HRK: variants seen among roughly 807,000 people sequenced by gnomAD.
HRK encodes the protein activator of apoptosis harakiri.
In HRK, 6 loss-of-function variants were observed where a neutral mutation model predicts 5.9. The observed-to-expected ratio is 1.02, with a 90% CI of 0.56 to 2.01. HRK has a LOEUF of 2.01. Among genes scored for constraint, HRK ranks in the 30% most tolerant of loss-of-function variants. The probability of loss-of-function intolerance (pLI) is 0.00; values close to 1 mark genes in which losing one functional copy is unlikely to be tolerated. For synonymous variants in HRK, 85 were observed against 65.1 expected (o/e 1.31, Z -1.47); for missense variants, 133 against 128.3 (o/e 1.04, Z -0.18).
rs1878339940 is a variant in HRK at position 116,860,916 on chromosome 12, G to C, written c.*607C>G. 6.6e-6 allele frequency: 1 copy of C among 152,150 alleles called. No individual in the cohort carries two copies. Among genetic ancestry groups the C allele is most frequent in the African/African-American group, 2.4e-5 (1 of 41,428 alleles). The allele number at this position is 152,150 out of a possible 1,614,324, so 9.4% of individuals were successfully genotyped here. A position where few individuals can be genotyped will look rare whatever the true frequency, so the allele number is the denominator to read the frequency against. ...CTAGCGATCGACCTAGGTAAGTACA[G>C]AGGGAGAGGCTAGGACGAGTCAAGA... On this transcript the variant is annotated 3_prime_UTR_variant, in exon 2 of 2. Transcript: ENST00000257572.
At chr12:116,870,459 A>G (rs1156264339) in intron 1 of HRK, among the ~76,000 whole-genome samples, 2 of 152,144 alleles carry the variant, frequency 1.3e-5, no homozygotes, top group African/African-American at 4.8e-5. Context: ...AAGGCAACAG[A>G]GATTCAGCTG....
intron 1 of HRK, among the ~76,000 whole-genome samples, chr12:116,865,589 T>C (rs1428361757): frequency 6.6e-6 from 1 of 151,882 alleles, no homozygotes; most frequent in Non-Finnish European, 1.5e-5. Context: ...TTTGCACAAG[T>C]GATAAGTTAC....
Position 116,881,055 on chromosome 12 carries a change from GC to G in HRK, c.252del (p.Trp84CysfsTer30). ...AAAQVAALAAWLLGRRNL is the reference protein window; with the variant it reads ...AAAQVAALAAXLLGRRNL The stretch of plus-strand genomic sequence containing the variant: ...TCCTACAAGTTCCGCCTGCCGAGCA[GC>G]CAGGCCGCCAGCGCCGCCACCTGCG... On this transcript the variant is annotated frameshift_variant, in exon 1 of 2. Transcript: ENST00000257572. LOFTEE classifies it high-confidence loss of function. The G allele has an allele frequency of 3.7e-6, 5 of 1,357,198 alleles. No individual in the cohort carries two copies. The highest frequency in any genetic ancestry group is 1.9e-6 in the Non-Finnish European group (2 of 1,054,998). The allele number at this position is 1,357,198 out of a possible 1,614,324, so 84.1% of individuals were successfully genotyped here.
chr12:116,868,378 C>A (rs1035648941), intron 1 of HRK, among the ~76,000 whole-genome samples: 1 of 152,238 alleles, frequency 6.6e-6, no homozygotes, highest in African/African-American at 2.4e-5. Context: ...GACACTCCTA[C>A]TATCCCCTGG....
intron 1 of HRK, among the ~76,000 whole-genome samples, chr12:116,869,302 A>G (rs773452100): frequency 1.3e-5 from 2 of 152,120 alleles, no homozygotes; most frequent in Non-Finnish European, 2.9e-5. Context: ...ATTTTACACC[A>G]AATAAGAACA....
At chr12:116,863,779 C>T (rs114043798) in intron 1 of HRK, among the ~76,000 whole-genome samples, 3,504 of 151,968 alleles carry the variant, frequency 0.023, 102 homozygotes, top group East Asian at 0.095. Context: ...GCTCACTGCA[C>T]CCTCGACCTC....
chr12:116,874,334 G>T (rs1239505824), intron 1 of HRK, among the ~76,000 whole-genome samples: 1 of 152,094 alleles, frequency 6.6e-6, no homozygotes, highest in Non-Finnish European at 1.5e-5. Flanking sequence ...CACCTTTCTC[G>T]CATGTCTTCA....
Position 116,859,864 on chromosome 12 carries a change from A to G in HRK, c.*1659T>C, listed in dbSNP as rs1878296074. 1 of 152,232 alleles carries G rather than the reference A, an allele frequency of 6.6e-6. No homozygotes were observed. The allele number at this position is 152,232 out of a possible 1,614,324, so 9.4% of individuals were successfully genotyped here. A position where few individuals can be genotyped will look rare whatever the true frequency, so the allele number is the denominator to read the frequency against. ...CATTTACAGCAAAGCCTATGGAGGG[A>G]TAATTCCCATTTCAGCCGCATCCAC... On this transcript the variant is annotated 3_prime_UTR_variant, in exon 2 of 2. Transcript: ENST00000257572.
At chr12:116,876,076 C>T (rs1270961064) in intron 1 of HRK, among the ~76,000 whole-genome samples, 2 of 152,152 alleles carry the variant, frequency 1.3e-5, no homozygotes, top group African/African-American at 4.8e-5. Context: ...TTATGATTGC[C>T]AAATCCAGCC....
intron 1 of HRK, among the ~76,000 whole-genome samples, chr12:116,876,511 C>G (rs1301165541): frequency 6.6e-6 from 1 of 152,164 alleles, no homozygotes; most frequent in East Asian, 1.9e-4. Context: ...GACCACGTCG[C>G]CTTATGGGCC....
chr12:116,862,003 A>G lies in HRK; in HGVS notation c.*57-537T>C, dbSNP rs1160330209. On this transcript the variant is annotated intron_variant, in intron 1 of 1. Coordinates refer to ENST00000257572, the MANE Select transcript of HRK (RefSeq NM_003806.4). This position sits in a 1 kb window ranked among gnomAD's most constrained non-coding sequence, Gnocchi z 4.0. ...ATTCTTGCCCCTTGAGGGGCTCAGA[A>G]CCAACAGGGAGATGGGAAGAAGTGG... Among the ~76,000 whole-genome samples, 1 of 152,154 alleles carries G rather than the reference A, an allele frequency of 6.6e-6. No homozygotes were observed. The highest frequency in any genetic ancestry group is 1.5e-5 in the Non-Finnish European group (1 of 68,020).
At chr12:116,864,422 G>A (rs1878466970) in intron 1 of HRK, among the ~76,000 whole-genome samples, 1 of 152,164 alleles carries the variant, frequency 6.6e-6, no homozygotes, top group Non-Finnish European at 1.5e-5. Context: ...GACCAGTACT[G>A]TAAATGACCA....
In HRK at chr12:116,865,656, C is replaced by T. The variant is rs141930964; in HGVS notation, c.*57-4190G>A. 5.5e-3 allele frequency among the ~76,000 whole-genome samples: 833 copies of T among 152,248 alleles called. 31 individuals are homozygous for T. Among genetic ancestry groups the T allele is most frequent in the Admixed American group, 0.049 (750 of 15,290 alleles). On this transcript the variant is annotated intron_variant, in intron 1 of 1. Coordinates refer to ENST00000257572, the MANE Select transcript of HRK (RefSeq NM_003806.4). ...AAAAGGAAAGCCCCTTCAACCCAAC[C>T]CTTAAGCCCCACTCCCTTTCCCAGA...
intron 1 of HRK, among the ~76,000 whole-genome samples, chr12:116,867,228 G>A (rs965844618): frequency 2.0e-5 from 3 of 150,168 alleles, no homozygotes; most frequent in Non-Finnish European, 3.0e-5. Flanking sequence ...TGCAACCTCC[G>A]CCACCTTGGT....
At position 116,862,149 on chromosome 12, in the gene HRK, G is replaced by A. The variant is rs1170192556; in HGVS notation, c.*57-683C>T. Among the ~76,000 whole-genome samples the A allele has an allele frequency of 6.6e-6, 1 of 152,172 alleles. No individual in the cohort carries two copies. The highest frequency in any genetic ancestry group is 6.5e-5 in the Admixed American group (1 of 15,270). ...TCCTCAGAGAGAGTGGCAGGCCCCTGCTGACTATTGAAGAGTGCCAGGAAA... is the reference window on the plus strand; with the variant it reads ...TCCTCAGAGAGAGTGGCAGGCCCCTACTGACTATTGAAGAGTGCCAGGAAA... On this transcript the variant is annotated intron_variant, in intron 1 of 1. Coordinates refer to ENST00000257572, the MANE Select transcript of HRK (RefSeq NM_003806.4). This position sits in a 1 kb window ranked among gnomAD's most constrained non-coding sequence, Gnocchi z 4.0.
chr12:116,867,132 C>CA (rs1200636079), intron 1 of HRK, among the ~76,000 whole-genome samples: 61 of 143,904 alleles, frequency 4.2e-4, no homozygotes, highest in Non-Finnish European at 7.0e-4. Context: ...TACACATATA[C>CA]AAAAAAAAAC....
chr12:116,869,705 A>G (rs948024743), intron 1 of HRK: 8 of 152,204 alleles, frequency 5.3e-5, no homozygotes, highest in African/African-American at 1.9e-4. Flanking sequence ...TACCAGAGTT[A>G]AATTTTCTGA....
chr12:116,868,094 AATT>A (rs1328063845), intron 1 of HRK, among the ~76,000 whole-genome samples: 1 of 151,042 alleles, frequency 6.6e-6, no homozygotes, highest in Non-Finnish European at 1.5e-5. Flanking sequence ...TTTCAAGAAA[AATT>A]GGAAATACAG....
chr12:116,880,396 A>G (rs1879100665), intron 1 of HRK, among the ~76,000 whole-genome samples: 1 of 152,152 alleles, frequency 6.6e-6, no homozygotes, highest in African/African-American at 2.4e-5. Flanking sequence ...GAGCTTGGGA[A>G]GAAAGATTGG....
Sources: gnomAD v4.1 joint callset for allele counts (sites outside exome capture counted in the v4.1 genomes callset) on GRCh38, gnomAD v4.1.1 for gene constraint, Gnocchi (gnomAD v3.1) non-coding constraint, MANE v1.5 for transcripts, NCBI Gene and HGNC (gene_info 2026-07-23, HGNC 2026-07-21) for gene names.